The following RUFY1 variants were observed in gnomAD, a reference collection of about 807,000 sequenced individuals.
RUFY1 encodes the protein RUN and FYVE domain containing 1.
A neutral mutation model predicts 94.6 loss-of-function variants in RUFY1; 54 were observed. That is an observed-to-expected ratio of 0.57 (90% CI 0.46 to 0.72). The LOEUF (loss-of-function observed/expected upper bound fraction) is 0.72. Among genes scored for constraint, RUFY1 ranks in the 30% least tolerant of loss-of-function variants. RUFY1 has a pLI of 0.00. For missense variants in RUFY1, 883 were observed against 883.9 expected (o/e 1.00, Z 0.01); for synonymous variants, 396 against 347.3 (o/e 1.14, Z -1.56).
At chr5:179,582,550 T>C (rs545959844) in intron 7 of RUFY1, among the ~76,000 whole-genome samples, 15 of 152,278 alleles carry the variant, frequency 9.9e-5, no homozygotes, top group African/African-American at 3.6e-4. Flanking sequence ...ATAATTCAAT[T>C]ATCCTTTTAA....
In RUFY1 at chr5:179,609,802, T is replaced by C; in HGVS notation, c.*283T>C. On this transcript the variant is annotated 3_prime_UTR_variant, in exon 18 of 18. Transcript: ENST00000319449. ...ATTTTGCTACTATCATTTTTCACTT[T>C]TCAAAGAATTTAACCTATTTTACAG... is the stretch of plus-strand genomic sequence containing the variant. The C allele has an allele frequency of 5.8e-6, 2 of 347,764 alleles. No individual in the cohort carries two copies. Among genetic ancestry groups the C allele is most frequent in the Non-Finnish European group, 1.0e-5 (2 of 191,800 alleles). 21.5% of individuals were successfully genotyped at this position (347,764 alleles called of 1,614,324 possible).
chr5:179,550,852 G>A lies in RUFY1; in HGVS notation c.283G>A (p.Asp95Asn), dbSNP rs2127499078. 3 of 1,201,262 alleles carry A rather than the reference G, an allele frequency of 2.5e-6. No homozygotes were observed. Among genetic ancestry groups the A allele is most frequent in the East Asian group, 3.7e-5 (1 of 27,248 alleles). The allele number at this position is 1,201,262 out of a possible 1,614,324, so 74.4% of individuals were successfully genotyped here. Residue 95 changes from aspartate (D) to asparagine (N), a missense_variant, in exon 1 of 18, where the codon GAC becomes AAC. Physicochemically the swap from Asp to Asn is conservative, Grantham distance 23. Transcript: ENST00000319449. ...CGCGGCCGCGGGGCTGGGCGGCGGG[G>A]ACAGCGGGGACGGCACGGCGCGCGC... ...LRAAAGLGGG[D>N]SGDGTARAAS...
At chr5:179,572,157 T>A in intron 5 of RUFY1, 1 of 287,062 alleles carries the variant, frequency 3.5e-6, no homozygotes, top group Admixed American at 4.9e-5. Flanking sequence ...CTTTCAGTCA[T>A]GGCTTCCAGT....
At chr5:179,581,906 A>G (rs141558615) in intron 7 of RUFY1, among the ~76,000 whole-genome samples, 26 of 152,054 alleles carry the variant, frequency 1.7e-4, no homozygotes, top group Non-Finnish European at 3.7e-4. Flanking sequence ...ACTGGTCTCA[A>G]ACTCCTGGGC....
At chr5:179,567,966 C>G (rs1256419493) in intron 4 of RUFY1, among the ~76,000 whole-genome samples, 1 of 149,474 alleles carries the variant, frequency 6.7e-6, no homozygotes, top group African/African-American at 2.5e-5. Context: ...GTGTATCAGC[C>G]AGGTGTGGTG....
chr5:179,591,357 T>C (rs1275512401), intron 9 of RUFY1, among the ~76,000 whole-genome samples: 1 of 151,692 alleles, frequency 6.6e-6, no homozygotes, highest in Admixed American at 6.6e-5. Context: ...GCTAATTGTT[T>C]GTGTTTTTAG....
Position 179,571,520 on chromosome 5 carries a change from AC to A in RUFY1, c.828+2096del, listed in dbSNP as rs1189762691. Among the ~76,000 whole-genome samples the A allele has an allele frequency of 6.7e-4, 100 of 148,352 alleles. 1 individual carries two copies. The South Asian group carries it at 0.021, about 31-fold the overall frequency. Reference sequence around the variant, plus strand: ...CTCTGTCTGGAAAAAAAAAAAAAAAACACCAATATTATAGACATCCTTGAAG... The same window carrying A: ...CTCTGTCTGGAAAAAAAAAAAAAAAAACCAATATTATAGACATCCTTGAAG... On this transcript the variant is annotated intron_variant, in intron 5 of 17. Transcript: ENST00000319449.
chr5:179,559,960 T>C, intron 1 of RUFY1, 65 bp from the exon 2 acceptor site: 1 of 1,548,198 alleles, frequency 6.5e-7, no homozygotes, highest in Middle Eastern at 1.8e-4. Flanking sequence ...TTCTCACCGT[T>C]GCCCGGAGTC....
At chr5:179,593,453 T>TA in intron 10 of RUFY1, 25 bp from the exon 11 acceptor site, 1 of 1,579,388 alleles carries the variant, frequency 6.3e-7, no homozygotes, top group Non-Finnish European at 8.7e-7. Context: ...TTTAATAACA[T>TA]TTTCCTTGTA....
chr5:179,601,582 A>ATC (rs1766401892), intron 14 of RUFY1, among the ~76,000 whole-genome samples: 3 of 147,660 alleles, frequency 2.0e-5, no homozygotes, highest in Non-Finnish European at 4.5e-5. Flanking sequence ...GCACTTTGGG[A>ATC]GGCCGAGGCG....
At chr5:179,604,947 G>A (rs972975607) in intron 15 of RUFY1, among the ~76,000 whole-genome samples, 3 of 148,368 alleles carry the variant, frequency 2.0e-5, no homozygotes, top group East Asian at 2.0e-4. Flanking sequence ...TCACACCACC[G>A]CACTCCAGCC....
chr5:179,587,984 C>T (rs560491011), intron 8 of RUFY1, among the ~76,000 whole-genome samples: 4 of 152,134 alleles, frequency 2.6e-5, no homozygotes, highest in Middle Eastern at 6.8e-3. Flanking sequence ...GACAGAGTAA[C>T]ACCCTGTCTC....
At chr5:179,598,883 T>G in intron 14 of RUFY1, 62 bp downstream of exon 14, 2 of 1,589,710 alleles carry the variant, frequency 1.3e-6, no homozygotes, top group South Asian at 2.2e-5. Flanking sequence ...CCTAACATGC[T>G]CCGGGCAGGC....
intron 7 of RUFY1, among the ~76,000 whole-genome samples, chr5:179,582,008 T>C (rs1273095191): frequency 6.6e-6 from 1 of 152,024 alleles, no homozygotes; most frequent in African/African-American, 2.4e-5. Context: ...AACTGTGATG[T>C]TGGCTATTTT....
intron 14 of RUFY1, among the ~76,000 whole-genome samples, chr5:179,599,116 C>T (rs896849496): frequency 5.9e-5 from 9 of 152,226 alleles, no homozygotes; most frequent in Non-Finnish European, 1.0e-4. Context: ...GCAGAGGCTC[C>T]AGTGAGTTAT....
intron 4 of RUFY1, chr5:179,568,976 A>G (rs1460157902): frequency 2.1e-6 from 2 of 932,438 alleles, no homozygotes; most frequent in African/African-American, 1.8e-5. Flanking sequence ...ATTCATATCA[A>G]CACAGAACAG....
At chr5:179,579,930 A>G (rs1455841593) in intron 6 of RUFY1, among the ~76,000 whole-genome samples, 1 of 151,836 alleles carries the variant, frequency 6.6e-6, no homozygotes, top group East Asian at 1.9e-4. Flanking sequence ...CGGCCTCCCA[A>G]AGTGCTGGGA....
chr5:179,554,020 T>C (rs1429990478), intron 1 of RUFY1, among the ~76,000 whole-genome samples: 2 of 151,988 alleles, frequency 1.3e-5, no homozygotes, highest in Non-Finnish European at 1.5e-5. Flanking sequence ...AAAAACAGGA[T>C]GGGAGAAAGA....
intron 10 of RUFY1, among the ~76,000 whole-genome samples, chr5:179,592,787 G>T (rs2127556569): frequency 6.6e-6 from 1 of 152,276 alleles, no homozygotes; most frequent in South Asian, 2.1e-4. Flanking sequence ...TTGCACTTTT[G>T]TTGCTATAAA....
Sources: gnomAD v4.1 joint callset for allele counts (sites outside exome capture counted in the v4.1 genomes callset) on GRCh38, gnomAD v4.1.1 for gene constraint, MANE v1.5 for transcripts, NCBI Gene and HGNC (gene_info 2026-07-23, HGNC 2026-07-21) for gene names.